AKAP7: variants seen among roughly 807,000 people sequenced by gnomAD.
The protein encoded by AKAP7 is A-kinase anchoring protein 7, also known as A kinase (PRKA) anchor protein 7.
AKAP7 carries 39 observed loss-of-function variants against 39.5 expected under a neutral mutation model. The observed-to-expected ratio is 0.99, with a 90% CI of 0.76 to 1.29. The LOEUF (loss-of-function observed/expected upper bound fraction) is 1.29, where lower values mean the gene tolerates loss of function less well. Among genes scored for constraint, AKAP7 ranks in the 50% most tolerant of loss-of-function variants. The probability of loss-of-function intolerance (pLI) is 0.00; values close to 1 mark genes in which losing one functional copy is unlikely to be tolerated. For missense variants in AKAP7, 414 were observed against 407.7 expected, an observed-to-expected ratio of 1.02 and a Z score of -0.13; for synonymous variants, 140 against 139.1, an observed-to-expected ratio of 1.01 and a Z score of -0.05.
At chr6:131,260,692 T>G (rs1813241058) in intron 7 of AKAP7, among the ~76,000 whole-genome samples, 1 of 152,140 alleles carries the variant, frequency 6.6e-6, no homozygotes, top group Admixed American at 6.5e-5. Flanking sequence ...CTTTGTAGAT[T>G]CTGGATATTA....
rs1800597228 is a variant in AKAP7 at position 131,136,958 on chromosome 6, ATATATG to A, written c.19+1182_19+1187del. The stretch of plus-strand genomic sequence containing the variant: ...TATGTATGTACTTATGTATGTATGT[ATATATG>A]TATATATGTATTTAGAGACAGGGTC... On this transcript the variant is annotated intron_variant, in intron 1 of 7. Coordinates refer to ENST00000431975, the MANE Select transcript of AKAP7 (RefSeq NM_016377.4). 1.1e-5 allele frequency: 8 copies of A among 696,702 alleles called. No individual in the cohort carries two copies. The South Asian group carries it at 5.2e-4, about 45-fold the overall frequency. The allele number at this position is 696,702 out of a possible 1,614,324, so 43.2% of individuals were successfully genotyped here.
rs60816569 is a variant in AKAP7 at position 131,241,627 on chromosome 6, G to GTATATATATATATA, written c.850+21830_850+21831insATATATATATATAT. ...TGTGTGTGTGTGTGTGTGTGTGTGT[G>GTATATATATATATA]TATATATATATGACAGTTATAGGAT... On this transcript the variant is annotated intron_variant, in intron 7 of 7. Transcript: ENST00000431975. Among the ~76,000 whole-genome samples the GTATATATATATATA allele has an allele frequency of 3.6e-3, 313 of 86,662 alleles. 11 individuals are homozygous for GTATATATATATATA. Among genetic ancestry groups the GTATATATATATATA allele is most frequent in the Middle Eastern group, 0.016 (3 of 184 alleles). 56.9% of individuals were successfully genotyped at this position (86,662 alleles called of 152,430 possible).
intron 7 of AKAP7, among the ~76,000 whole-genome samples, chr6:131,280,443 A>G (rs1180962177): frequency 1.3e-5 from 2 of 152,116 alleles, no homozygotes; most frequent in South Asian, 2.1e-4. Context: ...CTGTTCTTCA[A>G]TCCCTATTAC....
intron 5 of AKAP7, among the ~76,000 whole-genome samples, chr6:131,193,404 C>T (rs1305275091): frequency 6.6e-6 from 1 of 152,034 alleles, no homozygotes; most frequent in East Asian, 1.9e-4. Context: ...TTGAACCATC[C>T]TTGCATCCCT....
intron 7 of AKAP7, among the ~76,000 whole-genome samples, chr6:131,254,808 A>G (rs543521532): frequency 2.6e-5 from 4 of 152,356 alleles, no homozygotes; most frequent in African/African-American, 9.6e-5. Context: ...GTGTTTTAAC[A>G]AGACACATTT....
chr6:131,134,231 C>T (rs1026764385), upstream of AKAP7, among the ~76,000 whole-genome samples: 8 of 152,266 alleles, frequency 5.3e-5, no homozygotes, highest in South Asian at 1.5e-3. Flanking sequence ...CTTGACCTCC[C>T]AAAGTGTTGG....
At chr6:131,164,189 T>C (rs1803250223) in intron 3 of AKAP7, 1 of 318,578 alleles carries the variant, frequency 3.1e-6, no homozygotes, top group South Asian at 2.7e-5. Flanking sequence ...CCCCACTCTT[T>C]CCCTTTTTTT....
At chr6:131,138,113 G>C (rs892138673) in intron 1 of AKAP7, among the ~76,000 whole-genome samples, 1 of 151,236 alleles carries the variant, frequency 6.6e-6, no homozygotes. Flanking sequence ...CCCCCCACCC[G>C]TTCCACCACC....
intron 5 of AKAP7, chr6:131,184,331 G>A: frequency 1.6e-6 from 1 of 636,246 alleles, no homozygotes. Context: ...TATATCAAGA[G>A]GAGTTCTTGT....
At chr6:131,280,509 G>T (rs1357267489) in intron 7 of AKAP7, among the ~76,000 whole-genome samples, 1 of 152,180 alleles carries the variant, frequency 6.6e-6, no homozygotes, top group African/African-American at 2.4e-5. Flanking sequence ...GTATCTGCCT[G>T]TCTCAGACCC....
In AKAP7 at chr6:131,282,291, C is replaced by T. The variant is rs1050166799; in HGVS notation, c.*565C>T. The T allele has an allele frequency of 9.6e-6, 13 of 1,349,276 alleles. No individual in the cohort carries two copies. In the East Asian group the frequency reaches 1.6e-4, roughly 17 times the overall value. The allele number at this position is 1,349,276 out of a possible 1,614,324, so 83.6% of individuals were successfully genotyped here. A position where few individuals can be genotyped will look rare whatever the true frequency, so the allele number is the denominator to read the frequency against. On this transcript the variant is annotated 3_prime_UTR_variant, in exon 8 of 8. Coordinates refer to ENST00000431975, the MANE Select transcript of AKAP7 (RefSeq NM_016377.4). ...TGATATATTTTTGGTGAAATGCAAC[C>T]TTTTCTATAAAATGTGGGCAACATT...
At chr6:131,131,935 C>T (rs1800337547), upstream of AKAP7, among the ~76,000 whole-genome samples, 1 of 152,132 alleles carries the variant, frequency 6.6e-6, no homozygotes, top group Non-Finnish European at 1.5e-5. Context: ...AATCGGCAAA[C>T]TGACATAGAG....
At chr6:131,176,588 T>C (rs1304296073) in intron 5 of AKAP7, among the ~76,000 whole-genome samples, 1 of 152,176 alleles carries the variant, frequency 6.6e-6, no homozygotes, top group African/African-American at 2.4e-5. Context: ...TTGGTTAGCA[T>C]GATAAAAGAT....
Position 131,281,617 on chromosome 6 carries a change from A to G in AKAP7, c.938A>G (p.Gln313Arg). The G allele has an allele frequency of 6.2e-7, 1 of 1,613,738 alleles. No individual in the cohort carries two copies. The highest frequency in any genetic ancestry group is 8.5e-7 in the Non-Finnish European group (1 of 1,179,854). ...LVENAVLKAV[Q>R]QYLEETQNKN... ...GAGAACGCGGTGCTCAAGGCTGTCC[A>G]GCAGTATCTGGAGGAAACACAGAAT... The change falls in exon 8 of 8, where the codon CAG becomes CGG. Residue 313 changes from glutamine to arginine, a missense_variant. Coordinates refer to ENST00000431975, the MANE Select transcript of AKAP7 (RefSeq NM_016377.4). This position sits in a 1 kb window ranked among gnomAD's most constrained non-coding sequence, Gnocchi z 4.0.
chr6:131,243,140 C>T (rs925111233), intron 7 of AKAP7, among the ~76,000 whole-genome samples: 1 of 152,130 alleles, frequency 6.6e-6, no homozygotes, highest in African/African-American at 2.4e-5. Context: ...ATGATCTTGT[C>T]AAGCCACTGA....
chr6:131,214,024 T>C (rs1489866304), intron 6 of AKAP7, among the ~76,000 whole-genome samples: 2 of 152,078 alleles, frequency 1.3e-5, no homozygotes, highest in East Asian at 1.9e-4. Context: ...GTCTGTTTGA[T>C]GCCAGCACCT....
At chr6:131,162,547 T>C (rs1391183672) in intron 3 of AKAP7, among the ~76,000 whole-genome samples, 2 of 152,204 alleles carry the variant, frequency 1.3e-5, no homozygotes, top group African/African-American at 4.8e-5. Flanking sequence ...AACCCGAATA[T>C]AGCCGTGTCA....
intron 7 of AKAP7, among the ~76,000 whole-genome samples, chr6:131,267,988 A>T (rs188610492): frequency 1.5e-3 from 234 of 152,286 alleles, no homozygotes; most frequent in African/African-American, 5.3e-3. Flanking sequence ...TTGGGGAAAG[A>T]TGAAAGCATG....
intron 1 of AKAP7, among the ~76,000 whole-genome samples, chr6:131,141,980 A>G (rs894429633): frequency 1.3e-5 from 2 of 150,802 alleles, no homozygotes; most frequent in Non-Finnish European, 2.9e-5. Context: ...TTTGAGCAGC[A>G]AAGCATTCAA....
Sources: allele counts gnomAD v4.1 joint callset (sites outside exome capture counted in the v4.1 genomes callset), GRCh38; gene constraint gnomAD v4.1.1; non-coding constraint Gnocchi (gnomAD v3.1); transcripts MANE v1.5; gene names NCBI Gene and HGNC (gene_info 2026-07-23, HGNC 2026-07-21).